Variants in PCDH11X observed in about 807,000 individuals in gnomAD.
PCDH11X encodes protocadherin-11 X-linked.
A neutral mutation model predicts 53.3 loss-of-function variants in PCDH11X; 18 were observed. That is an observed-to-expected ratio of 0.34 (90% CI 0.23 to 0.50). The LOEUF (loss-of-function observed/expected upper bound fraction) is 0.50. Ranked by LOEUF, PCDH11X falls within the 20% of genes least tolerant of loss-of-function variation. The pLI, the probability that PCDH11X is intolerant of heterozygous loss-of-function variation, is 0.98. For synonymous variants in PCDH11X, 279 were observed against 393.3 expected (o/e 0.71, Z 3.44); for missense variants, 570 against 1,032.4 (o/e 0.55, Z 6.14).
In PCDH11X at chrX:92,089,823, G is replaced by A. The variant is rs1405433834; in HGVS notation, c.3034-111552G>A. On this transcript the variant is annotated intron_variant, in intron 6 of 10. Transcript: ENST00000682573. The stretch of plus-strand genomic sequence containing the variant: ...CAGGCATGAGCCATCGTGCCTGGCA[G>A]TAAGTTGTTTTTTAAACCTTTTCTG... 4.0e-4 allele frequency among the ~76,000 whole-genome samples: 44 copies of A among 109,823 alleles called. 1 individual carries two copies. The highest frequency in any genetic ancestry group is 1.4e-3 in the African/African-American group (41 of 30,249).
intron 8 of PCDH11X, among the ~76,000 whole-genome samples, chrX:92,336,018 T>C: frequency 9.0e-6 from 1 of 111,696 alleles, no homozygotes; most frequent in East Asian, 2.8e-4. Context: ...TGTTTGTAGA[T>C]GACACCTACC....
chrX:92,591,923 C>G (rs1925077543), intron 10 of PCDH11X, among the ~76,000 whole-genome samples: 1 of 109,219 alleles, frequency 9.2e-6, no homozygotes, highest in Non-Finnish European at 1.9e-5. Context: ...TCTGGAAACA[C>G]CTTTTGCTGA....
chrX:92,521,072 C>T (rs935569058), intron 10 of PCDH11X, among the ~76,000 whole-genome samples: 3 of 111,159 alleles, frequency 2.7e-5, no homozygotes, highest in African/African-American at 9.8e-5. Flanking sequence ...TTCTTCCAAA[C>T]TCCTGTTAAT....
At chrX:92,037,497 G>A (rs1160500455) in intron 6 of PCDH11X, among the ~76,000 whole-genome samples, 1 of 111,464 alleles carries the variant, frequency 9.0e-6, no homozygotes, top group African/African-American at 3.3e-5. Flanking sequence ...TTTTGCTATT[G>A]TAAATAGTGC....
chrX:92,019,453 G>A (rs1294451), intron 6 of PCDH11X, among the ~76,000 whole-genome samples: 21,194 of 109,939 alleles, frequency 0.19, 1,619 homozygotes, highest in Middle Eastern at 0.23. Flanking sequence ...AAAATCAACC[G>A]CATAATCAGA....
At chrX:92,561,774 T>G (rs2148762760) in intron 10 of PCDH11X, among the ~76,000 whole-genome samples, 1 of 106,670 alleles carries the variant, frequency 9.4e-6, no homozygotes, top group Non-Finnish European at 1.9e-5. Flanking sequence ...CCCAAACCTA[T>G]CAAAAGATAT....
intron 6 of PCDH11X, among the ~76,000 whole-genome samples, chrX:92,049,137 A>C (rs2063332671): frequency 9.0e-6 from 1 of 110,830 alleles, no homozygotes; most frequent in Non-Finnish European, 1.9e-5. Context: ...ATTGGACCTA[A>C]AAGGGTGCCT....
chrX:92,177,591 G>T (rs56172869), intron 6 of PCDH11X, among the ~76,000 whole-genome samples: 55,670 of 110,100 alleles, frequency 0.51, 10,602 homozygotes, highest in Non-Finnish European at 0.6. Context: ...CTCTGGGGCC[G>T]GCCTGTATAA....
intron 6 of PCDH11X, among the ~76,000 whole-genome samples, chrX:92,022,595 C>G (rs1209374873): frequency 3.9e-5 from 4 of 102,560 alleles, no homozygotes; most frequent in African/African-American, 1.5e-4. Context: ...ACCTTAACAC[C>G]CCACTGTCAA....
chrX:92,316,415 G>A (rs2069077617), intron 8 of PCDH11X, among the ~76,000 whole-genome samples: 1 of 109,386 alleles, frequency 9.1e-6, no homozygotes, highest in Admixed American at 9.9e-5. Context: ...TTTTTCAAAA[G>A]GAGTTCCCCA....
Position 91,868,256 on chromosome X carries a change from C to T in PCDH11X, c.541-8525C>T, listed in dbSNP as rs750348524. ...AAAGATACGAACTATTCTTACAATG[C>T]TTACCCATTTCCAAAAGAATGTGAT... On this transcript the variant is annotated intron_variant, in intron 5 of 10. Coordinates refer to ENST00000682573, the MANE Select transcript of PCDH11X (RefSeq NM_032968.5). Among the ~76,000 whole-genome samples, 89 of 112,028 alleles carry T rather than the reference C, an allele frequency of 7.9e-4. 1 individual carries two copies. The highest frequency in any genetic ancestry group is 2.8e-3 in the African/African-American group (86 of 30,886).
intron 6 of PCDH11X, among the ~76,000 whole-genome samples, chrX:92,012,557 C>A (rs2147982561): frequency 9.0e-6 from 1 of 111,531 alleles, no homozygotes; most frequent in South Asian, 3.7e-4. Flanking sequence ...TAAATGTATA[C>A]AAATATAAAT....
At chrX:92,402,455 G>A (rs906406405) in intron 9 of PCDH11X, among the ~76,000 whole-genome samples, 5 of 111,164 alleles carry the variant, frequency 4.5e-5, no homozygotes, top group Non-Finnish European at 7.5e-5. Context: ...CAGTGGAACC[G>A]AATAGAGAGC....
chrX:92,148,625 A>T (rs1445383030), intron 6 of PCDH11X, among the ~76,000 whole-genome samples: 1 of 109,450 alleles, frequency 9.1e-6, no homozygotes, highest in Non-Finnish European at 1.9e-5. Flanking sequence ...CTAGGCTTAC[A>T]TAAAATAAAT....
chrX:91,947,089 C>A (rs1367194730), intron 6 of PCDH11X, among the ~76,000 whole-genome samples: 6 of 103,973 alleles, frequency 5.8e-5, no homozygotes, highest in Admixed American at 1.1e-4. Flanking sequence ...AAAGAGCATG[C>A]TACCTAAGAA....
At chrX:92,364,409 TAGC>T (rs1442832157) in intron 8 of PCDH11X, among the ~76,000 whole-genome samples, 1 of 111,075 alleles carries the variant, frequency 9.0e-6, no homozygotes, top group Non-Finnish European at 1.9e-5. Flanking sequence ...ATAGAAAAGG[TAGC>T]GTAAAAATAG....
chrX:92,110,458 C>T (rs1439975543), intron 6 of PCDH11X, among the ~76,000 whole-genome samples: 1 of 107,894 alleles, frequency 9.3e-6, no homozygotes, highest in Non-Finnish European at 1.9e-5. Flanking sequence ...AGGTCTACGC[C>T]TTTCTCCAAA....
At chrX:91,795,355 G>A (rs746233220) in intron 1 of PCDH11X, among the ~76,000 whole-genome samples, 35 of 111,161 alleles carry the variant, frequency 3.1e-4, no homozygotes, top group African/African-American at 1.0e-3. Context: ...TGCTTGGTCA[G>A]TGTGCTTTTC....
At chrX:92,496,649 A>T (rs1328833817) in intron 10 of PCDH11X, among the ~76,000 whole-genome samples, 1 of 106,472 alleles carries the variant, frequency 9.4e-6, no homozygotes, top group Non-Finnish European at 1.9e-5. Context: ...AAATTATGTT[A>T]ATGTAGAAAC....
Sources: allele counts gnomAD v4.1 joint callset (sites outside exome capture counted in the v4.1 genomes callset), GRCh38; gene constraint gnomAD v4.1.1; transcripts MANE v1.5; gene names NCBI Gene and HGNC (gene_info 2026-07-23, HGNC 2026-07-21).